CUX2: variants seen among roughly 807,000 people sequenced by gnomAD.
The protein encoded by CUX2 is cut like homeobox 2.
A neutral mutation model predicts 144.8 loss-of-function variants in CUX2; 40 were observed. That is an observed-to-expected ratio of 0.28 (90% confidence interval 0.21 to 0.36). CUX2 has a LOEUF of 0.36. Among genes scored for constraint, CUX2 ranks in the 10% least tolerant of loss-of-function variants. The probability of loss-of-function intolerance (pLI) is 1.00; values close to 1 mark genes in which losing one functional copy is unlikely to be tolerated. For synonymous variants in CUX2, 827 were observed against 875.6 expected, an observed-to-expected ratio of 0.94 and a Z score of 0.98; for missense variants, 1,615 against 1,994.0, an observed-to-expected ratio of 0.81 and a Z score of 3.62.
intron 1 of CUX2, among the ~76,000 whole-genome samples, chr12:111,142,666 G>A (rs1351569278): frequency 6.6e-6 from 1 of 152,046 alleles, no homozygotes; most frequent in African/African-American, 2.4e-5. Flanking sequence ...AGCAAAATAT[G>A]TAGAACTGAT....
At chr12:111,344,162 C>T (rs1888696004) in intron 21 of CUX2, among the ~76,000 whole-genome samples, 2 of 152,212 alleles carry the variant, frequency 1.3e-5, no homozygotes, top group South Asian at 4.1e-4. Context: ...CCTTCCCTCC[C>T]TGGGGGATAT....
intron 1 of CUX2, among the ~76,000 whole-genome samples, chr12:111,049,020 T>C (rs564300062): frequency 1.3e-5 from 2 of 152,226 alleles, no homozygotes; most frequent in African/African-American, 4.8e-5. Flanking sequence ...TGCTCTCTCA[T>C]CCACTGTATC....
intron 3 of CUX2, among the ~76,000 whole-genome samples, chr12:111,253,348 A>G (rs1045755399): frequency 8.5e-6 from 1 of 118,252 alleles, no homozygotes; most frequent in Admixed American, 9.6e-5. Context: ...TTCGTCTACC[A>G]TCTCCCGCCA....
At position 111,310,354 on chromosome 12, in the gene CUX2, C is replaced by A; in HGVS notation, c.1572C>A (p.Ala524=). The change falls in exon 15 of 22, where the codon GCC becomes GCA. Residue 524 remains alanine, a synonymous_variant. Coordinates refer to ENST00000261726, the MANE Select transcript of CUX2 (RefSeq NM_015267.4). The surrounding 1 kb of genome is among the most constrained non-coding windows in gnomAD (Gnocchi z 7.9). ...CCCCCACAGCCCCTGCCACCCCGGC[C>A]CCTGGCCCTGAGCCACTGGGCGGTC... ...AKPPTAPATP[A]PGPEPLGGPE... 1 of 1,571,090 alleles carries A rather than the reference C, an allele frequency of 6.4e-7. No individual in the cohort carries two copies. Among genetic ancestry groups the A allele is most frequent in the Non-Finnish European group, 8.7e-7 (1 of 1,154,920 alleles).
chr12:111,296,132 T>A (rs952777588), intron 7 of CUX2, among the ~76,000 whole-genome samples: 1 of 152,042 alleles, frequency 6.6e-6, no homozygotes, highest in African/African-American at 2.4e-5. Flanking sequence ...CTTAAGGGTG[T>A]TGGGGGGCTT....
chr12:111,317,863 G>C (rs1887276623), intron 16 of CUX2, among the ~76,000 whole-genome samples: 2 of 152,080 alleles, frequency 1.3e-5, no homozygotes, highest in African/African-American at 4.8e-5. Context: ...AGCCAGGCCT[G>C]GTGGCGAGTG....
At chr12:111,273,776 C>T (rs1884732905) in intron 4 of CUX2, among the ~76,000 whole-genome samples, 1 of 152,210 alleles carries the variant, frequency 6.6e-6, no homozygotes, top group Non-Finnish European at 1.5e-5. Flanking sequence ...TTGCTTCCCA[C>T]ATCACACTTG....
In CUX2 at chr12:111,263,978, G is replaced by A. The variant is rs1007360055; in HGVS notation, c.301+139G>A. The stretch of plus-strand genomic sequence containing the variant: ...AGGCCAGGCACTCTGTATAGGGCAG[G>A]GGGAGCTGTGGCCAGTCTGGTGTGA... On this transcript the variant is annotated intron_variant, in intron 4 of 21. Coordinates refer to ENST00000261726, the MANE Select transcript of CUX2 (RefSeq NM_015267.4). The surrounding 1 kb of genome is among the most constrained non-coding windows in gnomAD (Gnocchi z 4.0). 2 of 738,160 alleles carry A rather than the reference G, an allele frequency of 2.7e-6. No homozygotes were observed. Among genetic ancestry groups the A allele is most frequent in the Non-Finnish European group, 4.7e-6 (2 of 429,742 alleles). The allele number at this position is 738,160 out of a possible 1,614,324, so 45.7% of individuals were successfully genotyped here.
At chr12:111,279,144 T>C (rs1471385915) in intron 4 of CUX2, among the ~76,000 whole-genome samples, 1 of 152,188 alleles carries the variant, frequency 6.6e-6, no homozygotes, top group Non-Finnish European at 1.5e-5. Flanking sequence ...CACAGCCCAG[T>C]TCCTCAGGAG....
At chr12:111,067,520 C>G (rs1871070973) in intron 1 of CUX2, among the ~76,000 whole-genome samples, 1 of 152,194 alleles carries the variant, frequency 6.6e-6, no homozygotes, top group African/African-American at 2.4e-5. Flanking sequence ...AGGAGCCCAA[C>G]CCATGTTTTT....
At chr12:111,309,540 G>A (rs750736202) in intron 14 of CUX2, among the ~76,000 whole-genome samples, 3 of 152,046 alleles carry the variant, frequency 2.0e-5, no homozygotes, top group Non-Finnish European at 4.4e-5. Context: ...CAAGGTCGGC[G>A]CTTCCAGCTG....
intron 20 of CUX2, 108 bp downstream of exon 20, chr12:111,338,582 G>A (rs1470589930): frequency 4.9e-6 from 5 of 1,030,606 alleles, no homozygotes; most frequent in Non-Finnish European, 7.1e-6. Flanking sequence ...TCCAGTCTCA[G>A]CCTACTATGG....
At chr12:111,220,409 T>C (rs751207960) in intron 3 of CUX2, among the ~76,000 whole-genome samples, 31 of 152,054 alleles carry the variant, frequency 2.0e-4, no homozygotes, top group Admixed American at 5.9e-4. Context: ...GTATGACTTA[T>C]GTTATCTTTT....
chr12:111,290,968 G>C (rs1885647435), intron 4 of CUX2, among the ~76,000 whole-genome samples: 1 of 151,626 alleles, frequency 6.6e-6, no homozygotes, highest in African/African-American at 2.4e-5. Context: ...GTTCAAGCGA[G>C]TCTCCTGCTT....
At chr12:111,146,663 C>T (rs543238158) in intron 1 of CUX2, among the ~76,000 whole-genome samples, 11 of 152,222 alleles carry the variant, frequency 7.2e-5, no homozygotes, top group East Asian at 1.9e-4. Context: ...AGGACACTAA[C>T]GTGCGGGTGT....
intron 3 of CUX2, among the ~76,000 whole-genome samples, chr12:111,238,130 C>T (rs371075791): frequency 2.0e-5 from 3 of 152,330 alleles, no homozygotes; most frequent in African/African-American, 7.2e-5. Flanking sequence ...GCCTTCATGA[C>T]TTACCCAAAT....
chr12:111,323,461 G>A (rs1305194903), intron 18 of CUX2, among the ~76,000 whole-genome samples: 2 of 152,204 alleles, frequency 1.3e-5, no homozygotes, highest in Non-Finnish European at 2.9e-5. Flanking sequence ...GCACACTGGT[G>A]TAGCTGTATG....
chr12:111,094,414 G>C (rs936695596), intron 1 of CUX2, among the ~76,000 whole-genome samples: 2 of 152,236 alleles, frequency 1.3e-5, no homozygotes, highest in African/African-American at 4.8e-5. Context: ...AGTAACTTCT[G>C]CTGTTAACTG....
chr12:111,309,949 C>A, intron 14 of CUX2, 92 bp from the exon 15 acceptor site: 1 of 1,131,394 alleles, frequency 8.8e-7, no homozygotes. Flanking sequence ...CTCTGTCTCT[C>A]TCCCCCTCTG....
Sources: gnomAD v4.1 joint callset for allele counts (sites outside exome capture counted in the v4.1 genomes callset) on GRCh38, gnomAD v4.1.1 for gene constraint, Gnocchi (gnomAD v3.1) non-coding constraint, MANE v1.5 for transcripts, NCBI Gene and HGNC (gene_info 2026-07-23, HGNC 2026-07-21) for gene names.